FMNL3: variants seen among roughly 807,000 people sequenced by gnomAD.
FMNL3 encodes the protein formin-like protein 3.
Under a neutral mutation model 119.6 loss-of-function variants are expected in FMNL3, and 57 were observed. That is an observed-to-expected ratio of 0.48 (90% CI 0.39 to 0.59). FMNL3 has a LOEUF of 0.59. Among genes scored for constraint, FMNL3 ranks in the 20% least tolerant of loss-of-function variants. FMNL3 has a pLI of 0.00. For missense variants in FMNL3, 1,053 were observed against 1,323.5 expected (o/e 0.80, Z 3.17); for synonymous variants, 491 against 507.3 (o/e 0.97, Z 0.43).
intron 1 of FMNL3, among the ~76,000 whole-genome samples, chr12:49,685,940 G>A (rs1368975839): frequency 2.0e-5 from 3 of 152,000 alleles, no homozygotes; most frequent in Non-Finnish European, 2.9e-5. Context: ...GGTGGCGGGC[G>A]CCTGTAATCC....
At chr12:49,701,078 C>CAA (rs61171112) in intron 1 of FMNL3, among the ~76,000 whole-genome samples, 2 of 75,948 alleles carry the variant, frequency 2.6e-5, no homozygotes, top group Admixed American at 1.5e-4. Flanking sequence ...GACTCCATCT[C>CAA]AAAAAAAAAA....
At chr12:49,666,798 A>C (rs1943904317) in intron 2 of FMNL3, among the ~76,000 whole-genome samples, 1 of 151,394 alleles carries the variant, frequency 6.6e-6, no homozygotes, top group Non-Finnish European at 1.5e-5. Flanking sequence ...TCCCTCTCTA[A>C]AAAAAAAATT....
At position 49,640,392 on chromosome 12, in the gene FMNL3, A is replaced by T. The variant is rs1942455958; in HGVS notation, c.*5423T>A. On this transcript the variant is annotated 3_prime_UTR_variant, in exon 26 of 26. Coordinates refer to ENST00000335154, the MANE Select transcript of FMNL3 (RefSeq NM_175736.5). ...CTAAGTGCTGTTCTCAGGAACATGC[A>T]TATGCAAGAGAATAAAAGGTCAGAG... is the stretch of plus-strand genomic sequence containing the variant. 1 of 152,262 alleles carries T rather than the reference A, an allele frequency of 6.6e-6. No homozygotes were observed. The highest frequency in any genetic ancestry group is 6.5e-5 in the Admixed American group (1 of 15,286). The allele number at this position is 152,262 out of a possible 1,614,324, so 9.4% of individuals were successfully genotyped here.
chr12:49,707,063 G>C lies in FMNL3; in HGVS notation c.118C>G (p.Leu40Val), dbSNP rs369116024. The C allele has an allele frequency of 1.9e-6, 3 of 1,584,522 alleles. No individual in the cohort carries two copies. The highest frequency in any genetic ancestry group is 2.3e-5 in the East Asian group (1 of 43,496). The change falls in exon 1 of 26, where the codon CTG (leucine) becomes GTG (valine). Residue 40 changes from leucine to valine, a missense_variant. Coordinates refer to ENST00000335154, the MANE Select transcript of FMNL3 (RefSeq NM_175736.5). ...CTGGGCTCAGCTCTCACCAGCACCAGGGCGAACCTTTCCTCCAGCTCACAG... is the reference window on the plus strand; with the variant it reads ...CTGGGCTCAGCTCTCACCAGCACCACGGCGAACCTTTCCTCCAGCTCACAG... Reference protein sequence around the residue: ...EPCELEERFALVLSSMNLPPD... With the variant: ...EPCELEERFAVVLSSMNLPPD...
intron 1 of FMNL3, among the ~76,000 whole-genome samples, chr12:49,686,535 G>A (rs1037250507): frequency 4.3e-5 from 6 of 138,002 alleles, no homozygotes; most frequent in African/African-American, 1.4e-4. Flanking sequence ...CAGAGATTCC[G>A]CCACTGCACT....
In FMNL3 at chr12:49,644,323, C is replaced by A; in HGVS notation, c.*1492G>T. The stretch of plus-strand genomic sequence containing the variant: ...TTCTAAAGTAACCCCACCCCCAGCA[C>A]ACCATTGTTGGCACCTCTCAAGGTT... On this transcript the variant is annotated 3_prime_UTR_variant, in exon 26 of 26. Coordinates refer to ENST00000335154, the MANE Select transcript of FMNL3 (RefSeq NM_175736.5). 1.9e-6 allele frequency: 2 copies of A among 1,027,170 alleles called. No homozygotes were observed. The highest frequency in any genetic ancestry group is 2.9e-6 in the Non-Finnish European group (2 of 685,112). 63.6% of individuals were successfully genotyped at this position (1,027,170 alleles called of 1,614,324 possible). A position where few individuals can be genotyped will look rare whatever the true frequency, so the allele number is the denominator to read the frequency against.
At chr12:49,656,718 C>G in intron 8 of FMNL3, 105 bp downstream of exon 8, 1 of 1,169,990 alleles carries the variant, frequency 8.5e-7, no homozygotes, top group South Asian at 1.4e-5. Context: ...AACCAAGGCT[C>G]TTGACAGGAC....
Position 49,647,573 on chromosome 12 carries a change from C to T in FMNL3, c.2778+130G>A. ...CAGTTCACAGCTAAGAGGCCTGTCA[C>T]CAGCTTGCATCGCTCCCTTCCCAGG... is the stretch of plus-strand genomic sequence containing the variant. On this transcript the variant is annotated intron_variant, in intron 23 of 25. Transcript: ENST00000335154. The surrounding 1 kb of genome is among the most constrained non-coding windows in gnomAD (Gnocchi z 4.9). 1.1e-6 allele frequency: 1 copy of T among 941,500 alleles called. No homozygotes were observed. The highest frequency in any genetic ancestry group is 1.5e-5 in the South Asian group (1 of 65,432). 58.3% of individuals were successfully genotyped at this position (941,500 alleles called of 1,614,324 possible).
chr12:49,677,533 T>C (rs1213548698), intron 1 of FMNL3, among the ~76,000 whole-genome samples: 3 of 152,250 alleles, frequency 2.0e-5, no homozygotes, highest in Non-Finnish European at 4.4e-5. Flanking sequence ...ATGTAAAGCA[T>C]TTAAATCAGA....
chr12:49,707,312 G>A lies in FMNL3; in HGVS notation c.-132C>T. The A allele has an allele frequency of 2.3e-6, 2 of 854,416 alleles. No individual in the cohort carries two copies. Among genetic ancestry groups the A allele is most frequent in the Non-Finnish European group, 1.6e-6 (1 of 611,856 alleles). 52.9% of individuals were successfully genotyped at this position (854,416 alleles called of 1,614,324 possible). On this transcript the variant is annotated 5_prime_UTR_variant, in exon 1 of 26. Coordinates refer to ENST00000335154, the MANE Select transcript of FMNL3 (RefSeq NM_175736.5). ...CCGACTCCTCGGCCCCGTCGAGGGC[G>A]CCGGGGGTTCCCTGGAGTCCCGCTG...
chr12:49,657,336 C>T, intron 6 of FMNL3, 146 bp from the exon 7 acceptor site: 1 of 632,344 alleles, frequency 1.6e-6, no homozygotes, highest in South Asian at 1.9e-5. Context: ...CCAAGAGGGA[C>T]AGGGTGCAGG....
Position 49,642,454 on chromosome 12 carries a change from G to C in FMNL3, c.*3361C>G, listed in dbSNP as rs1358761008. On this transcript the variant is annotated 3_prime_UTR_variant, in exon 26 of 26. Coordinates refer to ENST00000335154, the MANE Select transcript of FMNL3 (RefSeq NM_175736.5). This position sits in a 1 kb window ranked among gnomAD's most constrained non-coding sequence, Gnocchi z 5.8. ...ACCACTGAGGGCCCACCCCAGTCACGTCACAGCCCTGGGCCAGCTCCAGTT... is the reference window on the plus strand; with the variant it reads ...ACCACTGAGGGCCCACCCCAGTCACCTCACAGCCCTGGGCCAGCTCCAGTT... 6.3e-7 allele frequency: 1 copy of C among 1,578,890 alleles called. No individual in the cohort carries two copies. Among genetic ancestry groups the C allele is most frequent in the African/African-American group, 1.3e-5 (1 of 74,112 alleles).
chr12:49,644,365 G>A lies in FMNL3; in HGVS notation c.*1450C>T. The A allele has an allele frequency of 1.4e-6, 1 of 726,044 alleles. No individual in the cohort carries two copies. The allele number at this position is 726,044 out of a possible 1,614,324, so 45.0% of individuals were successfully genotyped here. A position where few individuals can be genotyped will look rare whatever the true frequency, so the allele number is the denominator to read the frequency against. ...CTCAAGGTTGCTCTTGGTGTTCAAG[G>A]GTCCCCTACTCCCTGGACTAGTGCA... On this transcript the variant is annotated 3_prime_UTR_variant, in exon 26 of 26. Coordinates refer to ENST00000335154, the MANE Select transcript of FMNL3 (RefSeq NM_175736.5).
At chr12:49,704,969 T>C (rs1400119112) in intron 1 of FMNL3, among the ~76,000 whole-genome samples, 1 of 152,132 alleles carries the variant, frequency 6.6e-6, no homozygotes, top group African/African-American at 2.4e-5. Flanking sequence ...TGTACCTGGG[T>C]CAAACACCTG....
rs779567676 is a variant in FMNL3 at position 49,642,044 on chromosome 12, G to T, written c.*3771C>A. ...AATAGTGTGAGGGGCTGGGCGGGGC[G>T]TGGGAAGTTCTCTAATTCATCTGTG... On this transcript the variant is annotated 3_prime_UTR_variant, in exon 26 of 26. Coordinates refer to ENST00000335154, the MANE Select transcript of FMNL3 (RefSeq NM_175736.5). The surrounding 1 kb of genome is among the most constrained non-coding windows in gnomAD (Gnocchi z 5.8). The T allele has an allele frequency of 6.2e-7, 1 of 1,608,432 alleles. No homozygotes were observed. The highest frequency in any genetic ancestry group is 8.5e-7 in the Non-Finnish European group (1 of 1,177,812).
At position 49,642,796 on chromosome 12, in the gene FMNL3, A is replaced by G; in HGVS notation, c.*3019T>C. 4 of 1,416,572 alleles carry G rather than the reference A, an allele frequency of 2.8e-6. No homozygotes were observed. The highest frequency in any genetic ancestry group is 1.2e-5 in the South Asian group (1 of 80,618). The allele number at this position is 1,416,572 out of a possible 1,614,324, so 87.8% of individuals were successfully genotyped here. A position where few individuals can be genotyped will look rare whatever the true frequency, so the allele number is the denominator to read the frequency against. On this transcript the variant is annotated 3_prime_UTR_variant, in exon 26 of 26. Coordinates refer to ENST00000335154, the MANE Select transcript of FMNL3 (RefSeq NM_175736.5). This position sits in a 1 kb window ranked among gnomAD's most constrained non-coding sequence, Gnocchi z 5.8. The stretch of plus-strand genomic sequence containing the variant: ...CACTCCTGGCCAGCTAAGGAAGGGG[A>G]GGCCTGAGGATCCCTGGGATAGGCA...
chr12:49,654,866 A>G (rs1013052258), intron 10 of FMNL3, 44 bp downstream of exon 10: 2 of 1,585,614 alleles, frequency 1.3e-6, no homozygotes, highest in African/African-American at 2.7e-5. Context: ...GAACACACAC[A>G]CAGCCCTGGT....
chr12:49,677,109 C>T (rs949725237), intron 1 of FMNL3, among the ~76,000 whole-genome samples: 2 of 152,204 alleles, frequency 1.3e-5, no homozygotes, highest in African/African-American at 4.8e-5. Flanking sequence ...CATGCTCCTC[C>T]TCCAATTCAC....
At chr12:49,678,664 C>T (rs774269794) in intron 1 of FMNL3, among the ~76,000 whole-genome samples, 6 of 151,846 alleles carry the variant, frequency 4.0e-5, no homozygotes, top group South Asian at 4.2e-4. Flanking sequence ...GGTTTTGCCA[C>T]GTTGGCTAGG....
Sources: allele counts gnomAD v4.1 joint callset (sites outside exome capture counted in the v4.1 genomes callset), GRCh38; gene constraint gnomAD v4.1.1; non-coding constraint Gnocchi (gnomAD v3.1); transcripts MANE v1.5; gene names NCBI Gene and HGNC (gene_info 2026-07-23, HGNC 2026-07-21).